CDH9: variants seen among roughly 807,000 people sequenced by gnomAD.
The protein encoded by CDH9 is cadherin 9, also known as cadherin-9.
A neutral mutation model predicts 70.9 loss-of-function variants in CDH9; 28 were observed. That is an observed-to-expected ratio of 0.40 (90% CI 0.29 to 0.54). The LOEUF (loss-of-function observed/expected upper bound fraction) is 0.54, where lower values mean the gene tolerates loss of function less well. Ranked by LOEUF, CDH9 falls within the 20% of genes least tolerant of loss-of-function variation. The pLI, the probability that CDH9 is intolerant of heterozygous loss-of-function variation, is 0.59. For missense variants in CDH9, 874 were observed against 984.4 expected, an observed-to-expected ratio of 0.89 and a Z score of 1.50; for synonymous variants, 409 against 343.1, an observed-to-expected ratio of 1.19 and a Z score of -2.12.
intron 1 of CDH9, among the ~76,000 whole-genome samples, chr5:27,028,636 C>A (rs1743261220): frequency 6.6e-6 from 1 of 151,982 alleles, no homozygotes; most frequent in African/African-American, 2.4e-5. Flanking sequence ...TTTGAAAGTA[C>A]ACTTGGAGAT....
chr5:27,026,237 TTA>T (rs1561045281), intron 1 of CDH9, among the ~76,000 whole-genome samples: 1 of 152,024 alleles, frequency 6.6e-6, no homozygotes, highest in Non-Finnish European at 1.5e-5. Context: ...CACATTCTTA[TTA>T]TATGTTTATA....
intron 9 of CDH9, among the ~76,000 whole-genome samples, chr5:26,887,534 C>T (rs1579662467): frequency 2.6e-5 from 4 of 151,320 alleles, no homozygotes; most frequent in Non-Finnish European, 4.4e-5. Context: ...ATCAATAACA[C>T]ACATGAATCA....
intron 2 of CDH9, among the ~76,000 whole-genome samples, chr5:26,948,217 C>T (rs142589067): frequency 2.6e-4 from 39 of 152,256 alleles, no homozygotes; most frequent in African/African-American, 8.9e-4. Flanking sequence ...AACAACAACA[C>T]GGAGATGACA....
intron 2 of CDH9, among the ~76,000 whole-genome samples, chr5:26,977,458 G>T (rs972320265): frequency 1.5e-5 from 2 of 136,794 alleles, no homozygotes; most frequent in African/African-American, 3.1e-5. Context: ...TTTATATAGA[G>T]ATATATATGT....
chr5:27,034,451 T>C (rs1490439821), intron 1 of CDH9, among the ~76,000 whole-genome samples: 1 of 151,776 alleles, frequency 6.6e-6, no homozygotes, highest in East Asian at 1.9e-4. Flanking sequence ...GGTTTATAAT[T>C]TGCTAAATTA....
intron 3 of CDH9, among the ~76,000 whole-genome samples, chr5:26,911,542 T>A (rs2112000198): frequency 6.6e-6 from 1 of 152,082 alleles, no homozygotes; most frequent in East Asian, 1.9e-4. Flanking sequence ...TGGGGGAAAT[T>A]TCCAGTCACT....
chr5:26,902,926 A>C (rs1366277549), intron 6 of CDH9, 197 bp from the exon 7 acceptor site: 1 of 500,696 alleles, frequency 2.0e-6, no homozygotes, highest in Non-Finnish European at 3.5e-6. Flanking sequence ...GGTTAACTTA[A>C]TATAATGGCA....
chr5:27,017,814 G>T (rs2112121926), intron 1 of CDH9, among the ~76,000 whole-genome samples: 1 of 151,966 alleles, frequency 6.6e-6, no homozygotes, highest in East Asian at 1.9e-4. Flanking sequence ...CAGGAATCCA[G>T]CATTCTTTGA....
intron 1 of CDH9, among the ~76,000 whole-genome samples, chr5:27,022,149 G>T (rs565220817): frequency 2.6e-5 from 4 of 152,030 alleles, no homozygotes; most frequent in East Asian, 1.9e-4. Flanking sequence ...TCCTTACAGA[G>T]AATTTTTTTA....
intron 2 of CDH9, among the ~76,000 whole-genome samples, chr5:26,953,850 A>C (rs577624570): frequency 2.0e-5 from 3 of 152,178 alleles, no homozygotes; most frequent in Non-Finnish European, 2.9e-5. Context: ...TGTTCCACAA[A>C]ACAACCAGAA....
At chr5:26,914,725 TTAG>T (rs1741118528) in intron 3 of CDH9, among the ~76,000 whole-genome samples, 1 of 152,032 alleles carries the variant, frequency 6.6e-6, no homozygotes, top group Non-Finnish European at 1.5e-5. Flanking sequence ...AGAAATTATT[TTAG>T]ACTGAAACAT....
At chr5:26,885,887 A>C (rs1251246491) in intron 10 of CDH9, 22 bp from the exon 11 acceptor site, 2 of 1,608,000 alleles carry the variant, frequency 1.2e-6, no homozygotes, top group Non-Finnish European at 1.7e-6. Flanking sequence ...AACATGTAAA[A>C]AAACAAAAAC....
At chr5:26,959,259 CTA>C (rs1741994816) in intron 2 of CDH9, among the ~76,000 whole-genome samples, 1 of 152,012 alleles carries the variant, frequency 6.6e-6, no homozygotes, top group South Asian at 2.1e-4. Flanking sequence ...AAAAAATGCT[CTA>C]TGAGATTAGT....
At chr5:26,910,275 A>C (rs1741028955) in intron 3 of CDH9, among the ~76,000 whole-genome samples, 1 of 137,848 alleles carries the variant, frequency 7.3e-6, no homozygotes, top group African/African-American at 2.5e-5. Context: ...GGCATTAATT[A>C]TCTCTCTATA....
chr5:26,932,148 T>C (rs2112025132), intron 2 of CDH9, among the ~76,000 whole-genome samples: 1 of 152,242 alleles, frequency 6.6e-6, no homozygotes, highest in Admixed American at 6.5e-5. Context: ...TATTGGTTTT[T>C]AGTTTGATTT....
intron 1 of CDH9, among the ~76,000 whole-genome samples, chr5:27,004,745 G>C (rs932655598): frequency 6.6e-6 from 1 of 152,046 alleles, no homozygotes; most frequent in African/African-American, 2.4e-5. Flanking sequence ...TGTTAAGATC[G>C]ATCAATATGC....
intron 1 of CDH9, among the ~76,000 whole-genome samples, chr5:27,005,229 G>A (rs1033568258): frequency 1.3e-5 from 2 of 151,976 alleles, no homozygotes; most frequent in Non-Finnish European, 2.9e-5. Context: ...TACAGTATTT[G>A]ATTAACTCAA....
At chr5:27,036,935 T>C (rs912930645) in intron 1 of CDH9, among the ~76,000 whole-genome samples, 2 of 152,004 alleles carry the variant, frequency 1.3e-5, no homozygotes, top group East Asian at 1.9e-4. Flanking sequence ...TAGCATGTTA[T>C]TTCATTTTCC....
intron 1 of CDH9, among the ~76,000 whole-genome samples, chr5:26,993,233 G>T (rs1053021311): frequency 1.3e-5 from 2 of 152,082 alleles, no homozygotes; most frequent in East Asian, 3.9e-4. Context: ...TGAGAAAAGG[G>T]TATCCTTGTT....
Sources: gnomAD v4.1 joint callset for allele counts (sites outside exome capture counted in the v4.1 genomes callset) on GRCh38, gnomAD v4.1.1 for gene constraint, MANE v1.5 for transcripts, NCBI Gene and HGNC (gene_info 2026-07-23, HGNC 2026-07-21) for gene names.